The following AREL1 variants were observed in gnomAD, a reference collection of about 807,000 sequenced individuals.
AREL1 encodes the protein apoptosis-resistant E3 ubiquitin protein ligase 1.
A neutral mutation model predicts 99.0 loss-of-function variants in AREL1; 62 were observed. The ratio of observed to expected loss-of-function variants is 0.63; its 90% confidence interval spans 0.51 to 0.77. The LOEUF is 0.77. Among genes scored for constraint, AREL1 ranks in the 30% least tolerant of loss-of-function variants. The pLI, the probability that AREL1 is intolerant of heterozygous loss-of-function variation, is 0.00. For missense variants in AREL1, 879 were observed against 1,027.6 expected (o/e 0.86, Z 1.98); for synonymous variants, 380 against 376.5 (o/e 1.01, Z -0.11).
At chr14:74,678,846 G>C (rs572357654) in intron 5 of AREL1, among the ~76,000 whole-genome samples, 4 of 152,206 alleles carry the variant, frequency 2.6e-5, no homozygotes, top group South Asian at 2.1e-4. Context: ...AGATTTCTTA[G>C]ACACCAACAG....
chr14:74,696,931 TC>T (rs2089987541), intron 1 of AREL1, among the ~76,000 whole-genome samples: 3 of 151,984 alleles, frequency 2.0e-5, no homozygotes, highest in South Asian at 2.1e-4. Context: ...GCCACTGCAC[TC>T]CATCCTGGGT....
At chr14:74,697,103 CCA>C (rs1315090863) in intron 1 of AREL1, among the ~76,000 whole-genome samples, 7 of 152,272 alleles carry the variant, frequency 4.6e-5, no homozygotes, top group African/African-American at 1.7e-4. Flanking sequence ...TGTGATCACA[CCA>C]CACCACTGTA....
At chr14:74,690,583 C>T (rs2089857105) in intron 2 of AREL1, among the ~76,000 whole-genome samples, 1 of 152,198 alleles carries the variant, frequency 6.6e-6, no homozygotes. Context: ...GTTTCTACAG[C>T]ATGCTCTACT....
At chr14:74,674,824 T>C (rs1271805061) in intron 8 of AREL1, among the ~76,000 whole-genome samples, 1 of 152,132 alleles carries the variant, frequency 6.6e-6, no homozygotes, top group Non-Finnish European at 1.5e-5. Context: ...CAGCAACCCA[T>C]ACACACTGCT....
At chr14:74,697,920 TGC>T (rs1463961977) in intron 1 of AREL1, among the ~76,000 whole-genome samples, 1 of 152,174 alleles carries the variant, frequency 6.6e-6, no homozygotes, top group Non-Finnish European at 1.5e-5. Flanking sequence ...TGCTAGAATG[TGC>T]TAGAAGCCAG....
rs1044891145 is a variant in AREL1, at chr14:74,685,939, T to C, written c.-45-279A>G. ...TTGCTAATTTCAAAATGCAGTAACA[T>C]GGCTTTCATCTTCTTAGATCCATAG... On this transcript the variant is annotated intron_variant, in intron 2 of 19. Transcript: ENST00000356357. Among the ~76,000 whole-genome samples, 5 of 152,352 alleles carry C rather than the reference T, an allele frequency of 3.3e-5. No individual in the cohort carries two copies. The East Asian group carries it at 9.6e-4, about 29-fold the overall frequency.
rs202106130 is a variant in AREL1 at position 74,676,683 on chromosome 14, G to A, written c.551C>T (p.Pro184Leu). The change falls in exon 6 of 20, where the codon CCG becomes CTG. Residue 184 changes from proline to leucine, a missense_variant. By Grantham distance (98) the Pro-to-Leu change is moderately conservative. Coordinates refer to ENST00000356357, the MANE Select transcript of AREL1 (RefSeq NM_001039479.2). ...TCGGGGTACTATTTGAAGGGTGTGC[G>A]GCTGCCCACAGGTCAATACAAGAGT... ...FSTLVLTCGQ[P>L]HTLQIVPRDE... 192 of 1,614,076 alleles carry A rather than the reference G, an allele frequency of 1.2e-4. 2 individuals are homozygous for A. In the Middle Eastern group the frequency reaches 2.1e-3, roughly 18 times the overall value.
At chr14:74,670,692 A>AT in intron 13 of AREL1, 70 bp downstream of exon 13, 4 of 1,375,568 alleles carry the variant, frequency 2.9e-6, no homozygotes, top group Non-Finnish European at 4.1e-6. Context: ...CAGTTTCATA[A>AT]TTTTGAATCC....
rs546246580 is a variant in AREL1, at chr14:74,677,049, T to C, written c.482-297A>G. Among the ~76,000 whole-genome samples the C allele has an allele frequency of 2.0e-4, 31 of 152,098 alleles. No individual in the cohort carries two copies. The South Asian group carries it at 6.2e-3, about 31-fold the overall frequency. On this transcript the variant is annotated intron_variant, in intron 5 of 19. Transcript: ENST00000356357. ...CTCCTGACCTCCTGATCCGCCCGCC[T>C]TGGCCTCCCAAAGTGCTGGGATTAC...
intron 8 of AREL1, among the ~76,000 whole-genome samples, chr14:74,674,527 G>A (rs1361012085): frequency 4.6e-5 from 7 of 152,094 alleles, no homozygotes; most frequent in African/African-American, 7.2e-5. Flanking sequence ...GCTTGAACCC[G>A]GGAGGCAGAG....
At chr14:74,676,059 T>C (rs889064250) in intron 7 of AREL1, 82 bp downstream of exon 7, 2 of 1,555,580 alleles carry the variant, frequency 1.3e-6, no homozygotes, top group African/African-American at 2.7e-5. Context: ...TATCAAATGT[T>C]TGTGAGGTCA....
At chr14:74,703,583 C>T (rs10137800) in intron 1 of AREL1, among the ~76,000 whole-genome samples, 34,356 of 152,060 alleles carry the variant, frequency 0.23, 4,046 homozygotes, top group South Asian at 0.31. Flanking sequence ...TTGTATCACA[C>T]GCAAAATGTA....
intron 1 of AREL1, among the ~76,000 whole-genome samples, chr14:74,697,035 A>G (rs2089990066): frequency 6.6e-6 from 1 of 152,174 alleles, no homozygotes; most frequent in Non-Finnish European, 1.5e-5. Flanking sequence ...TGTCCTAGCT[A>G]CTCAGAAGCT....
At chr14:74,693,435 G>C (rs527457978) in intron 1 of AREL1, among the ~76,000 whole-genome samples, 25 of 152,242 alleles carry the variant, frequency 1.6e-4, no homozygotes, top group South Asian at 6.2e-4. Context: ...CAAAAATGTA[G>C]CAGAAAGGGG....
At chr14:74,679,394 C>T (rs1328133075) in intron 5 of AREL1, among the ~76,000 whole-genome samples, 5 of 152,118 alleles carry the variant, frequency 3.3e-5, no homozygotes, top group Non-Finnish European at 5.9e-5. Flanking sequence ...TGCACGCCAT[C>T]ATGGGTGACA....
rs1397971864 is a variant in AREL1 at position 74,663,692 on chromosome 14, G to A, written c.*28C>T. 4 of 1,601,796 alleles carry A rather than the reference G, an allele frequency of 2.5e-6. No homozygotes were observed. In the African/African-American group the frequency reaches 4.0e-5, roughly 16 times the overall value. ...TGCGCCCAGAAGCTCCAGAGAGCAT[G>A]GGAGCCAACTGGATGACAGGAGAGT... On this transcript the variant is annotated 3_prime_UTR_variant, in exon 20 of 20. Coordinates refer to ENST00000356357, the MANE Select transcript of AREL1 (RefSeq NM_001039479.2).
rs555421179 is a variant in AREL1 at position 74,709,779 on chromosome 14, G to T, written c.-334+3154C>A. Among the ~76,000 whole-genome samples the T allele has an allele frequency of 3.9e-5, 6 of 152,240 alleles. No homozygotes were observed. The South Asian group carries it at 1.2e-3, about 32-fold the overall frequency. ...ATGTAAAAACTATAACTTGAAAATG[G>T]ACAAAAAAGTGAATCTACTTATAAC... is the stretch of plus-strand genomic sequence containing the variant. On this transcript the variant is annotated intron_variant, in intron 1 of 19. Transcript: ENST00000356357.
intron 12 of AREL1, 98 bp from the exon 13 acceptor site, chr14:74,670,969 A>G (rs2089323792): frequency 1.1e-6 from 1 of 878,484 alleles, no homozygotes; most frequent in Middle Eastern, 2.2e-4. Flanking sequence ...CATTCCCTCT[A>G]TTGTACTACT....
At chr14:74,703,308 A>C (rs1364723053) in intron 1 of AREL1, among the ~76,000 whole-genome samples, 2 of 152,190 alleles carry the variant, frequency 1.3e-5, no homozygotes, top group African/African-American at 4.8e-5. Context: ...GAAAGGGGAA[A>C]TCCCTTATAA....
Sources: allele counts gnomAD v4.1 joint callset (sites outside exome capture counted in the v4.1 genomes callset), GRCh38; gene constraint gnomAD v4.1.1; transcripts MANE v1.5; gene names NCBI Gene and HGNC (gene_info 2026-07-23, HGNC 2026-07-21).